The following DTNB variants were observed in gnomAD, a reference collection of about 807,000 sequenced individuals.
DTNB encodes the protein dystrobrevin beta.
DTNB carries 63 observed loss-of-function variants against 90.7 expected under a neutral mutation model. The observed-to-expected ratio is 0.69, with a 90% confidence interval of 0.57 to 0.86. The LOEUF is 0.86. Among genes scored for constraint, DTNB ranks in the 40% least tolerant of loss-of-function variants. DTNB has a pLI of 0.00. For synonymous variants in DTNB, 277 were observed against 286.7 expected, an observed-to-expected ratio of 0.97 and a Z score of 0.34; for missense variants, 744 against 807.1, an observed-to-expected ratio of 0.92 and a Z score of 0.95.
At chr2:25,491,959 A>C (rs1161267452) in intron 9 of DTNB, among the ~76,000 whole-genome samples, 1 of 151,986 alleles carries the variant, frequency 6.6e-6, no homozygotes, top group Non-Finnish European at 1.5e-5. Flanking sequence ...ACAGAGCCAA[A>C]TCGTGGGAGC....
intron 6 of DTNB, among the ~76,000 whole-genome samples, chr2:25,584,020 T>C (rs2061972992): frequency 6.6e-6 from 1 of 152,224 alleles, no homozygotes; most frequent in African/African-American, 2.4e-5. Flanking sequence ...CCACGTGATC[T>C]GGAGAAAATC....
intron 1 of DTNB, among the ~76,000 whole-genome samples, chr2:25,663,637 T>C (rs2083733442): frequency 6.6e-6 from 1 of 152,222 alleles, no homozygotes; most frequent in African/African-American, 2.4e-5. Flanking sequence ...CAGTTCTCCA[T>C]ATATTTCCAT....
intron 9 of DTNB, among the ~76,000 whole-genome samples, chr2:25,513,749 AC>A (rs2074424945): frequency 1.5e-5 from 2 of 137,558 alleles, no homozygotes; most frequent in South Asian, 4.7e-4. Flanking sequence ...AAACAAAACA[AC>A]CAAAAAAAAA....
chr2:25,657,973 A>C (rs1232794404), intron 1 of DTNB, among the ~76,000 whole-genome samples: 2 of 152,100 alleles, frequency 1.3e-5, no homozygotes, highest in African/African-American at 4.8e-5. Context: ...AATGCTGACA[A>C]GGGCCGGGTG....
At chr2:25,388,805 C>CGTGTGT (rs112323714) in intron 16 of DTNB, among the ~76,000 whole-genome samples, 69,095 of 149,064 alleles carry the variant, frequency 0.46, 16,395 homozygotes, top group African/African-American at 0.53. Flanking sequence ...AAAGGACATA[C>CGTGTGT]GTGTGTGTGT....
chr2:25,585,040 G>A (rs976811152), intron 6 of DTNB, among the ~76,000 whole-genome samples: 1 of 152,120 alleles, frequency 6.6e-6, no homozygotes, highest in African/African-American at 2.4e-5. Context: ...TGAAAGGCAG[G>A]TTGGCTCTTT....
chr2:25,662,673 C>CACACAA (rs1290664394), intron 1 of DTNB, among the ~76,000 whole-genome samples: 1 of 72,846 alleles, frequency 1.4e-5, no homozygotes, highest in Non-Finnish European at 3.5e-5. Flanking sequence ...CACACACACA[C>CACACAA]ACACACAAAC....
At chr2:25,653,607 G>A (rs1403152034) in intron 1 of DTNB, among the ~76,000 whole-genome samples, 5 of 150,518 alleles carry the variant, frequency 3.3e-5, no homozygotes, top group African/African-American at 1.2e-4. Context: ...CGACTCCCGG[G>A]TTCAAGCAAT....
At chr2:25,432,496 A>G (rs1462170580) in intron 14 of DTNB, among the ~76,000 whole-genome samples, 1 of 152,196 alleles carries the variant, frequency 6.6e-6, no homozygotes, top group Non-Finnish European at 1.5e-5. Context: ...CATTGACTGT[A>G]AAGTGCCAGG....
At chr2:25,395,964 C>T (rs1244342276) in intron 16 of DTNB, among the ~76,000 whole-genome samples, 1 of 152,190 alleles carries the variant, frequency 6.6e-6, no homozygotes, top group African/African-American at 2.4e-5. Flanking sequence ...CCCTCCCTCC[C>T]TCCTGAAGAC....
intron 13 of DTNB, 74 bp from the exon 14 acceptor site, chr2:25,433,073 T>C: frequency 7.1e-7 from 1 of 1,414,930 alleles, no homozygotes; most frequent in South Asian, 1.4e-5. Flanking sequence ...CTATTACAAC[T>C]TTTCAACTCT....
At chr2:25,383,465 C>T (rs904502423) in intron 19 of DTNB, among the ~76,000 whole-genome samples, 27 of 152,238 alleles carry the variant, frequency 1.8e-4, no homozygotes, top group South Asian at 6.2e-4. Context: ...GTGATCCACC[C>T]GCCTCAGCCT....
chr2:25,423,740 A>G (rs1016443522), intron 15 of DTNB, among the ~76,000 whole-genome samples: 4 of 149,778 alleles, frequency 2.7e-5, no homozygotes, highest in African/African-American at 9.9e-5. Context: ...GCTCACTGCA[A>G]CCTCCACCTC....
chr2:25,483,000 GGA>G lies in DTNB; in HGVS notation c.1002-129_1002-128del, dbSNP rs1171069596. ...GCGGTAAGCACAGACGGACCCATGGGGAGGGGGGGGACCCATGGGGAAGGGGA... is the reference window on the plus strand; with the variant it reads ...GCGGTAAGCACAGACGGACCCATGGGGGGGGGGGACCCATGGGGAAGGGGA... On this transcript the variant is annotated intron_variant, in intron 9 of 20. Transcript: ENST00000406818. The G allele has an allele frequency of 2.2e-5, 21 of 963,022 alleles. No individual in the cohort carries two copies. The East Asian group carries it at 2.9e-4, about 13-fold the overall frequency. The allele number at this position is 963,022 out of a possible 1,614,324, so 59.7% of individuals were successfully genotyped here. A position where few individuals can be genotyped will look rare whatever the true frequency, so the allele number is the denominator to read the frequency against.
chr2:25,582,122 A>G (rs2061640245), intron 6 of DTNB, among the ~76,000 whole-genome samples: 1 of 152,242 alleles, frequency 6.6e-6, no homozygotes, highest in Non-Finnish European at 1.5e-5. Context: ...AGAAAAGATA[A>G]AATTGGTTAG....
intron 1 of DTNB, among the ~76,000 whole-genome samples, chr2:25,655,822 T>C (rs759828543): frequency 1.3e-5 from 2 of 152,166 alleles, no homozygotes; most frequent in Non-Finnish European, 1.5e-5. Context: ...GTTCCCGGCA[T>C]GGCACGCCTG....
chr2:25,647,857 T>C (rs1320884505), intron 2 of DTNB, among the ~76,000 whole-genome samples: 2 of 149,204 alleles, frequency 1.3e-5, no homozygotes, highest in South Asian at 2.1e-4. Context: ...CACAGGAAAG[T>C]TTATTCTTAA....
rs771292544 is a variant in DTNB at position 25,433,909 on chromosome 2, C to T, written c.1343+1G>A. 1.2e-6 allele frequency: 2 copies of T among 1,613,624 alleles called. No individual in the cohort carries two copies. Among genetic ancestry groups the T allele is most frequent in the African/African-American group, 2.7e-5 (2 of 74,990 alleles). ...AGTGGGCTCAGCCTCTGCGTTCTTACCTGTTTTTGTTTTCCAGTTCTGCAA... is the reference window on the plus strand; with the variant it reads ...AGTGGGCTCAGCCTCTGCGTTCTTATCTGTTTTTGTTTTCCAGTTCTGCAA... On this transcript the variant is annotated splice_donor_variant, in intron 13 of 20. Transcript: ENST00000406818. LOFTEE classifies it high-confidence loss of function.
rs181368997 is a variant in DTNB, at chr2:25,433,010, T to C, written c.1344-11A>G. ...TCCTGCAGGATCTCTCTAGAGAGGA[T>C]GGGTGAACGGAAAGGGGCTGCACAG... On this transcript the variant is annotated splice_polypyrimidine_tract_variant and intron_variant, in intron 13 of 20. Transcript: ENST00000406818. 1 of 1,593,810 alleles carries C rather than the reference T, an allele frequency of 6.3e-7. No homozygotes were observed. Among genetic ancestry groups the C allele is most frequent in the Non-Finnish European group, 8.5e-7 (1 of 1,171,604 alleles).
Sources: allele counts gnomAD v4.1 joint callset (sites outside exome capture counted in the v4.1 genomes callset), GRCh38; gene constraint gnomAD v4.1.1; transcripts MANE v1.5; gene names NCBI Gene and HGNC (gene_info 2026-07-23, HGNC 2026-07-21).